SGCD: variants seen among roughly 807,000 people sequenced by gnomAD.
SGCD encodes the protein sarcoglycan delta, also known as delta-sarcoglycan.
A neutral mutation model predicts 36.6 loss-of-function variants in SGCD; 18 were observed. The ratio of observed to expected loss-of-function variants is 0.49; its 90% CI spans 0.34 to 0.73. The LOEUF (loss-of-function observed/expected upper bound fraction) is 0.73. SGCD is among the 30% of genes least tolerant of loss of function. The pLI is 0.01. For synonymous variants in SGCD, 133 were observed against 130.6 expected (o/e 1.02, Z -0.12); for missense variants, 387 against 346.7 (o/e 1.12, Z -0.92).
the SGCD span, among the ~76,000 whole-genome samples, chr5:155,752,929 T>C: frequency 6.6e-6 from 1 of 152,166 alleles, no homozygotes; most frequent in African/African-American, 2.4e-5. Flanking sequence ...ACACAGCACA[T>C]AGAGTGTGGT....
At chr5:156,386,946 A>T (rs893610061) in intron 3 of SGCD, among the ~76,000 whole-genome samples, 1 of 152,178 alleles carries the variant, frequency 6.6e-6, no homozygotes, top group South Asian at 2.1e-4. Flanking sequence ...TTGTGGGGAG[A>T]GTACACACCA....
intron 1 of SGCD, among the ~76,000 whole-genome samples, chr5:155,882,102 A>C (rs1755899363): frequency 1.3e-5 from 2 of 151,924 alleles, no homozygotes; most frequent in Non-Finnish European, 2.9e-5. Flanking sequence ...TCATACTATT[A>C]TTATTATTAT....
At chr5:156,650,549 A>T (rs1482175278) in intron 7 of SGCD, among the ~76,000 whole-genome samples, 2 of 152,104 alleles carry the variant, frequency 1.3e-5, no homozygotes, top group Non-Finnish European at 2.9e-5. Flanking sequence ...ATTCATGTGT[A>T]TCCAGTGCTC....
At chr5:156,188,219 G>A (rs902498087) in intron 3 of SGCD, among the ~76,000 whole-genome samples, 11 of 152,102 alleles carry the variant, frequency 7.2e-5, no homozygotes, top group Middle Eastern at 3.2e-3. Context: ...TGTGCCTGGC[G>A]TTATTCCAGG....
At chr5:156,447,181 CCTT>C (rs1385107215) in intron 3 of SGCD, among the ~76,000 whole-genome samples, 2 of 152,172 alleles carry the variant, frequency 1.3e-5, no homozygotes, top group South Asian at 2.1e-4. Flanking sequence ...AATTTACACT[CCTT>C]CTACTTACCA....
At chr5:155,905,528 T>C (rs1756487106) in intron 1 of SGCD, among the ~76,000 whole-genome samples, 1 of 152,100 alleles carries the variant, frequency 6.6e-6, no homozygotes, top group African/African-American at 2.4e-5. Flanking sequence ...AGCTAAGTTC[T>C]CACGTGCCAA....
intron 1 of SGCD, among the ~76,000 whole-genome samples, chr5:156,082,435 C>G (rs1433586083): frequency 6.6e-6 from 1 of 152,162 alleles, no homozygotes; most frequent in Admixed American, 6.5e-5. Context: ...TCTTCCATTT[C>G]TAAAAATTTG....
rs987016013 is a variant in SGCD, at chr5:156,068,996, T to G, written c.-281-48882T>G. Reference sequence around the variant, plus strand: ...TTTGCTTTTTTCTTGTAAATTTGTTTGAGTTCATTGTAGATTCTGGATATT... The same window carrying G: ...TTTGCTTTTTTCTTGTAAATTTGTTGGAGTTCATTGTAGATTCTGGATATT... On this transcript the variant is annotated intron_variant, in intron 1 of 9. Transcript: ENST00000517913. 5.9e-5 allele frequency among the ~76,000 whole-genome samples: 9 copies of G among 152,162 alleles called. 1 individual carries two copies. The highest frequency in any genetic ancestry group is 2.1e-4 in the South Asian group (1 of 4,832).
chr5:156,501,382 G>T (rs1756444309), intron 3 of SGCD, among the ~76,000 whole-genome samples: 1 of 152,154 alleles, frequency 6.6e-6, no homozygotes, highest in East Asian at 1.9e-4. Context: ...GTGACAAAGG[G>T]AGTCAGGGGA....
chr5:156,474,731 C>G (rs1477388339), intron 3 of SGCD, among the ~76,000 whole-genome samples: 1 of 152,136 alleles, frequency 6.6e-6, no homozygotes, highest in Non-Finnish European at 1.5e-5. Context: ...GAAAAAGAAC[C>G]ACATAACCCA....
the SGCD span, among the ~76,000 whole-genome samples, chr5:155,759,927 T>A: frequency 6.6e-6 from 1 of 152,208 alleles, no homozygotes; most frequent in African/African-American, 2.4e-5. Flanking sequence ...ACGAAGTAAC[T>A]CATGTTACGT....
At chr5:155,748,350 A>T in the SGCD span, among the ~76,000 whole-genome samples, 2 of 152,174 alleles carry the variant, frequency 1.3e-5, no homozygotes, top group African/African-American at 2.4e-5. Context: ...ATATTTATAT[A>T]GATAATTTAT....
the SGCD span, among the ~76,000 whole-genome samples, chr5:155,807,210 T>C: frequency 1.3e-5 from 2 of 152,224 alleles, no homozygotes; most frequent in African/African-American, 4.8e-5. Context: ...GTTCTCGTGG[T>C]TTAGCTCTGA....
intron 1 of SGCD, among the ~76,000 whole-genome samples, chr5:155,961,767 T>A (rs1054198189): frequency 1.3e-5 from 2 of 152,066 alleles, no homozygotes; most frequent in African/African-American, 4.8e-5. Context: ...ACTTTTTAAA[T>A]CCTTACTTTA....
intron 7 of SGCD, among the ~76,000 whole-genome samples, chr5:156,708,622 ATTTG>A (rs1001154812): frequency 6.6e-6 from 1 of 151,092 alleles, no homozygotes; most frequent in African/African-American, 2.4e-5. Flanking sequence ...TAGATGCTAA[ATTTG>A]TTTGAATTTG....
At chr5:156,438,223 G>A (rs1753327975) in intron 3 of SGCD, among the ~76,000 whole-genome samples, 1 of 152,164 alleles carries the variant, frequency 6.6e-6, no homozygotes, top group Admixed American at 6.6e-5. Flanking sequence ...TCTAAAAGGA[G>A]GTTTGTAGTA....
At chr5:156,166,909 A>T (rs1763228288) in intron 3 of SGCD, among the ~76,000 whole-genome samples, 1 of 152,168 alleles carries the variant, frequency 6.6e-6, no homozygotes, top group Non-Finnish European at 1.5e-5. Flanking sequence ...GAAGACAGCC[A>T]CACCCCACAG....
At chr5:155,948,600 A>G (rs1415252758) in intron 1 of SGCD, among the ~76,000 whole-genome samples, 1 of 152,184 alleles carries the variant, frequency 6.6e-6, no homozygotes, top group Admixed American at 6.5e-5. Context: ...AATAAGCGGC[A>G]ATCCTTCTGT....
chr5:156,095,223 G>A (rs993196162), intron 1 of SGCD, among the ~76,000 whole-genome samples: 18 of 152,248 alleles, frequency 1.2e-4, no homozygotes, highest in African/African-American at 2.9e-4. Flanking sequence ...GTATGCCTAC[G>A]CAAATCTCAC....
Sources: allele counts gnomAD v4.1 joint callset (sites outside exome capture counted in the v4.1 genomes callset), GRCh38; gene constraint gnomAD v4.1.1; transcripts MANE v1.5; gene names NCBI Gene and HGNC (gene_info 2026-07-23, HGNC 2026-07-21).